Variants in ARHGEF3 observed in about 807,000 individuals in gnomAD.
ARHGEF3 encodes Rho guanine nucleotide exchange factor 3, also known as 59.8 kDA protein.
A neutral mutation model predicts 63.2 loss-of-function variants in ARHGEF3; 28 were observed. That is an observed-to-expected ratio of 0.44 (90% CI 0.33 to 0.61). ARHGEF3 has a LOEUF of 0.61. Among genes scored for constraint, ARHGEF3 ranks in the 20% least tolerant of loss-of-function variants. The pLI is 0.03. For synonymous variants in ARHGEF3, 266 were observed against 254.2 expected, an observed-to-expected ratio of 1.05 and a Z score of -0.44; for missense variants, 533 against 659.3, an observed-to-expected ratio of 0.81 and a Z score of 2.10.
chr3:56,900,405 C>T (rs1263082563), intron 3 of ARHGEF3, among the ~76,000 whole-genome samples: 1 of 152,144 alleles, frequency 6.6e-6, no homozygotes, highest in Non-Finnish European at 1.5e-5. Context: ...GAGGCCAAGG[C>T]GGGAGGATTC....
At chr3:56,730,430 T>C (rs2033066323) in intron 9 of ARHGEF3, among the ~76,000 whole-genome samples, 1 of 148,020 alleles carries the variant, frequency 6.8e-6, no homozygotes, top group South Asian at 2.1e-4. Context: ...TGCTCTGGAG[T>C]GCAGTGACAC....
At chr3:56,766,618 C>T (rs866873957) in intron 2 of ARHGEF3, among the ~76,000 whole-genome samples, 2 of 152,162 alleles carry the variant, frequency 1.3e-5, no homozygotes, top group African/African-American at 4.8e-5. Context: ...AAGTAAGACA[C>T]CACCTTGGCT....
At chr3:57,037,901 C>CAAAACA (rs112097926) in intron 1 of ARHGEF3, among the ~76,000 whole-genome samples, 1 of 151,850 alleles carries the variant, frequency 6.6e-6, no homozygotes, top group South Asian at 2.1e-4. Flanking sequence ...CAAAACAAAA[C>CAAAACA]AAAACCCATC....
chr3:56,833,830 C>T lies in ARHGEF3; in HGVS notation c.192+48462G>A, dbSNP rs956955275. 2.6e-5 allele frequency among the ~76,000 whole-genome samples: 4 copies of T among 152,178 alleles called. No homozygotes were observed. In the South Asian group the frequency reaches 6.2e-4, roughly 24 times the overall value. ...TTGGATCACACTTCAGGAGACTCAG[C>T]CCCCAGTGCATATCACACTCACACA... On this transcript the variant is annotated intron_variant, in intron 4 of 12. Transcript: ENST00000338458.
intron 4 of ARHGEF3, among the ~76,000 whole-genome samples, chr3:56,830,455 TGGA>T (rs142336356): frequency 0.083 from 12,659 of 152,264 alleles, 774 homozygotes; most frequent in Admixed American, 0.21. Flanking sequence ...ATCTCTCACC[TGGA>T]GTAGTACAAT....
intron 2 of ARHGEF3, 90 bp downstream of exon 2, chr3:56,773,619 G>T: frequency 1.7e-6 from 2 of 1,158,328 alleles, no homozygotes; most frequent in Non-Finnish European, 2.4e-6. Context: ...AGGTCACTTT[G>T]AAACCAGGGG....
chr3:56,860,501 C>A (rs1288866610), intron 4 of ARHGEF3, among the ~76,000 whole-genome samples: 2 of 152,138 alleles, frequency 1.3e-5, no homozygotes, highest in African/African-American at 4.8e-5. Context: ...CAGATCTAAC[C>A]ACTACTGTCA....
intron 4 of ARHGEF3, among the ~76,000 whole-genome samples, chr3:56,870,531 C>T (rs1307109617): frequency 1.3e-5 from 2 of 152,066 alleles, no homozygotes; most frequent in Non-Finnish European, 2.9e-5. Flanking sequence ...CTGTATGAAA[C>T]CATAATGGTG....
intron 1 of ARHGEF3, among the ~76,000 whole-genome samples, chr3:57,042,685 TATATATATATATATA>T (rs1415502396): frequency 0.012 from 418 of 35,294 alleles, 34 homozygotes; most frequent in South Asian, 0.025. Context: ...TATATATATA[TATATATATATATATA>T]TTTTTTTTTT....
At chr3:56,921,537 A>G (rs1019439661) in intron 3 of ARHGEF3, among the ~76,000 whole-genome samples, 5 of 152,210 alleles carry the variant, frequency 3.3e-5, no homozygotes, top group African/African-American at 4.8e-5. Flanking sequence ...ACAGTCATGC[A>G]CTTTTATTGA....
intron 1 of ARHGEF3, among the ~76,000 whole-genome samples, chr3:56,778,878 T>C (rs1429913860): frequency 6.6e-6 from 1 of 152,206 alleles, no homozygotes; most frequent in African/African-American, 2.4e-5. Context: ...CATTATAACA[T>C]GTAGACATTA....
At chr3:56,791,118 C>T (rs545842516) in intron 1 of ARHGEF3, among the ~76,000 whole-genome samples, 1 of 152,200 alleles carries the variant, frequency 6.6e-6, no homozygotes, top group East Asian at 1.9e-4. Context: ...TAAGATATGT[C>T]GTGGCCAGAA....
intron 3 of ARHGEF3, among the ~76,000 whole-genome samples, chr3:56,912,668 G>A (rs559455294): frequency 1.1e-4 from 17 of 152,236 alleles, no homozygotes; most frequent in South Asian, 4.2e-4. Context: ...AGTTATTATC[G>A]TATTATATTG....
At chr3:57,067,190 G>A (rs1705587013) in intron 1 of ARHGEF3, among the ~76,000 whole-genome samples, 1 of 151,982 alleles carries the variant, frequency 6.6e-6, no homozygotes, top group Non-Finnish European at 1.5e-5. Context: ...GGTGGCTCAC[G>A]CCTGTAATCC....
At chr3:57,053,346 A>C (rs1704757488) in intron 1 of ARHGEF3, among the ~76,000 whole-genome samples, 1 of 151,836 alleles carries the variant, frequency 6.6e-6, no homozygotes, top group African/African-American at 2.4e-5. Context: ...GGCAGGGAGG[A>C]GCTCCATGGC....
upstream of ARHGEF3, among the ~76,000 whole-genome samples, chr3:56,803,794 C>CT (rs2107978966): frequency 1.3e-5 from 2 of 152,204 alleles, no homozygotes; most frequent in East Asian, 3.9e-4. Context: ...GAGTGAGACC[C>CT]TGTCTCAAGA....
At position 56,732,316 on chromosome 3, in the gene ARHGEF3, G is replaced by C; in HGVS notation, c.1150C>G (p.Leu384Val). 6.2e-7 allele frequency: 1 copy of C among 1,614,200 alleles called. No individual in the cohort carries two copies. Among genetic ancestry groups the C allele is most frequent in the Non-Finnish European group, 8.5e-7 (1 of 1,180,038 alleles). ...LYRQPIPVKDLLLEDLQDGEV... is the reference protein window; with the variant it reads ...LYRQPIPVKDVLLEDLQDGEV... The stretch of plus-strand genomic sequence containing the variant: ...CCATCCTGGAGGTCTTCCAGCAGGA[G>C]GTCTTTCACGGGGATTGGCTGACGG... The change falls in exon 9 of 10, where the codon CTC (leucine) becomes GTC (valine). Residue 384 changes from leucine (L) to valine (V), a missense_variant. Leu to Val is a conservative substitution (Grantham distance 32). Coordinates refer to ENST00000296315, the MANE Select transcript of ARHGEF3 (RefSeq NM_019555.3).
chr3:57,056,108 C>T (rs1704919966), intron 1 of ARHGEF3, among the ~76,000 whole-genome samples: 1 of 151,998 alleles, frequency 6.6e-6, no homozygotes, highest in Admixed American at 6.6e-5. Context: ...GGAGCAGAGG[C>T]CGGGTGCGGT....
chr3:57,034,726 G>A (rs1421903157), intron 2 of ARHGEF3, among the ~76,000 whole-genome samples: 1 of 137,030 alleles, frequency 7.3e-6, no homozygotes, highest in African/African-American at 2.9e-5. Flanking sequence ...GTGTGATCAT[G>A]GCTCACTGCA....
Sources: allele counts gnomAD v4.1 joint callset (sites outside exome capture counted in the v4.1 genomes callset), GRCh38; gene constraint gnomAD v4.1.1; transcripts MANE v1.5; gene names NCBI Gene and HGNC (gene_info 2026-07-23, HGNC 2026-07-21).